Variants in PTGFRN observed in about 807,000 individuals in gnomAD.
PTGFRN encodes the protein prostaglandin F2 receptor negative regulator.
Under a neutral mutation model 83.2 loss-of-function variants are expected in PTGFRN, and 35 were observed. That is an observed-to-expected ratio of 0.42 (90% CI 0.32 to 0.56). The LOEUF (loss-of-function observed/expected upper bound fraction) is 0.56, where lower values mean the gene tolerates loss of function less well. Ranked by LOEUF, PTGFRN falls within the 20% of genes least tolerant of loss-of-function variation. The probability of loss-of-function intolerance (pLI) is 0.11; values close to 1 mark genes in which losing one functional copy is unlikely to be tolerated. For missense variants in PTGFRN, 1,051 were observed against 1,179.5 expected (o/e 0.89, Z 1.60); for synonymous variants, 519 against 498.6 (o/e 1.04, Z -0.55).
At chr1:116,914,360 G>C (rs1044246718) in intron 1 of PTGFRN, among the ~76,000 whole-genome samples, 1 of 152,220 alleles carries the variant, frequency 6.6e-6, no homozygotes, top group African/African-American at 2.4e-5. Context: ...AAGGAAAGCT[G>C]GGAAGCCATG....
intron 2 of PTGFRN, among the ~76,000 whole-genome samples, chr1:116,943,103 G>A (rs986782309): frequency 6.6e-5 from 10 of 152,174 alleles, no homozygotes; most frequent in African/African-American, 2.4e-4. Context: ...AGTAGAAAAT[G>A]CACATGATGA....
chr1:116,919,507 C>G (rs1025456363), intron 1 of PTGFRN, among the ~76,000 whole-genome samples: 1 of 152,164 alleles, frequency 6.6e-6, no homozygotes, highest in Non-Finnish European at 1.5e-5. Flanking sequence ...AAGTGATCCT[C>G]CCACCTCAGC....
Position 116,961,265 on chromosome 1 carries a change from G to C in PTGFRN, c.1236G>C (p.Leu412=). ...CAGAACCAGACTACCAGGTGTACCT[G>C]AATGCTTCCAAGGTCCCCGGGTTTG... ...TWLEPDYQVY[L]NASKVPGFAD... The change falls in exon 5 of 9, where the codon CTG becomes CTC. Residue 412 remains leucine (L), a synonymous_variant. Transcript: ENST00000393203. The surrounding 1 kb of genome is among the most constrained non-coding windows in gnomAD (Gnocchi z 5.4). 1 of 1,518,374 alleles carries C rather than the reference G, an allele frequency of 6.6e-7. No individual in the cohort carries two copies. The highest frequency in any genetic ancestry group is 8.8e-7 in the Non-Finnish European group (1 of 1,134,226). 94.1% of individuals were successfully genotyped at this position (1,518,374 alleles called of 1,614,324 possible).
intron 6 of PTGFRN, among the ~76,000 whole-genome samples, chr1:116,973,495 C>A (rs1190439461): frequency 6.6e-6 from 1 of 151,508 alleles, no homozygotes; most frequent in Non-Finnish European, 1.5e-5. Flanking sequence ...ATCCCAGCTA[C>A]CCAGGAGGCT....
At chr1:116,920,096 G>T (rs1649502305) in intron 1 of PTGFRN, among the ~76,000 whole-genome samples, 1 of 152,236 alleles carries the variant, frequency 6.6e-6, no homozygotes, top group Non-Finnish European at 1.5e-5. Context: ...TGTGCCTGTT[G>T]TCTCTCACCT....
intron 1 of PTGFRN, 83 bp downstream of exon 1, chr1:116,910,335 G>A (rs1649234714): frequency 2.5e-6 from 3 of 1,181,912 alleles, no homozygotes; most frequent in East Asian, 6.7e-5. Context: ...GCAGCGCGCG[G>A]CCTGGGGCGC....
In PTGFRN at chr1:116,984,685, A is replaced by G; in HGVS notation, c.2173A>G (p.Met725Val). 1.2e-6 allele frequency: 2 copies of G among 1,613,356 alleles called. No homozygotes were observed. The highest frequency in any genetic ancestry group is 1.7e-6 in the Non-Finnish European group (2 of 1,179,498). ...TTTGGCTTGGTAATCCGTAGATGACATGGCCTTTGATGTGTCCTGGTTTGC... is the reference window on the plus strand; with the variant it reads ...TTTGGCTTGGTAATCCGTAGATGACGTGGCCTTTGATGTGTCCTGGTTTGC... ...VEGAALDPDD[M>V]AFDVSWFAVH... Residue 725 changes from methionine (M) to valine (V), a missense_variant, in exon 8 of 9, where the codon ATG becomes GTG. By Grantham distance (21) the Met-to-Val change is conservative (BLOSUM62 1). Around this residue, in one of 3 missense-constraint regions of PTGFRN, gnomAD observed 719 missense variants for 836.6 expected, o/e 0.86. Coordinates refer to ENST00000393203, the MANE Select transcript of PTGFRN (RefSeq NM_020440.4).
chr1:116,981,211 G>C (rs2101090526), intron 7 of PTGFRN, among the ~76,000 whole-genome samples: 1 of 152,206 alleles, frequency 6.6e-6, no homozygotes, highest in East Asian at 1.9e-4. Context: ...GGGGATCTCT[G>C]CTACTGAGCA....
intron 1 of PTGFRN, among the ~76,000 whole-genome samples, chr1:116,914,921 C>T (rs1339954941): frequency 2.6e-5 from 4 of 152,150 alleles, no homozygotes; most frequent in South Asian, 2.1e-4. Context: ...TACTATTTCT[C>T]GATTGCATAT....
chr1:116,926,483 A>G (rs1346397141), intron 1 of PTGFRN, among the ~76,000 whole-genome samples: 2 of 152,140 alleles, frequency 1.3e-5, no homozygotes, highest in African/African-American at 4.8e-5. Flanking sequence ...TTGGACAGAG[A>G]ATTGTTTAAG....
At chr1:116,953,635 A>G (rs1192937963) in intron 4 of PTGFRN, among the ~76,000 whole-genome samples, 2 of 151,980 alleles carry the variant, frequency 1.3e-5, no homozygotes, top group Admixed American at 6.6e-5. Flanking sequence ...TTCTTAACCA[A>G]TTAAGACCTA....
chr1:116,931,165 T>C (rs1192965217), intron 1 of PTGFRN, among the ~76,000 whole-genome samples: 1 of 152,242 alleles, frequency 6.6e-6, no homozygotes, highest in Non-Finnish European at 1.5e-5. Flanking sequence ...GAGGAAATGC[T>C]CGTTGGAGCA....
chr1:116,951,387 A>G (rs938687614), intron 4 of PTGFRN, among the ~76,000 whole-genome samples: 13 of 152,240 alleles, frequency 8.5e-5, no homozygotes, highest in African/African-American at 2.2e-4. Flanking sequence ...GAGTGCTACT[A>G]CCATTGTGAA....
intron 1 of PTGFRN, among the ~76,000 whole-genome samples, chr1:116,933,307 A>ATC (rs1649843969): frequency 6.6e-6 from 1 of 151,846 alleles, no homozygotes; most frequent in African/African-American, 2.4e-5. Context: ...TAGAACACGT[A>ATC]TCAGTGATCT....
intron 1 of PTGFRN, among the ~76,000 whole-genome samples, chr1:116,935,168 A>G (rs1407394557): frequency 6.6e-6 from 1 of 152,162 alleles, no homozygotes; most frequent in Non-Finnish European, 1.5e-5. Context: ...TAGTATGTCA[A>G]GCTCACTTCT....
chr1:116,912,524 C>T (rs2101048162), intron 1 of PTGFRN, among the ~76,000 whole-genome samples: 1 of 152,272 alleles, frequency 6.6e-6, no homozygotes, highest in East Asian at 1.9e-4. Context: ...CTTGGCTCTC[C>T]CCGTACCACA....
Position 116,961,108 on chromosome 1 carries a change from T to C in PTGFRN, c.1214-135T>C, listed in dbSNP as rs1472357511. 3 of 1,000,400 alleles carry C rather than the reference T, an allele frequency of 3.0e-6. No homozygotes were observed. The highest frequency in any genetic ancestry group is 1.6e-5 in the African/African-American group (1 of 61,078). The allele number at this position is 1,000,400 out of a possible 1,614,324, so 62.0% of individuals were successfully genotyped here. On this transcript the variant is annotated intron_variant, in intron 4 of 8. Coordinates refer to ENST00000393203, the MANE Select transcript of PTGFRN (RefSeq NM_020440.4). This position sits in a 1 kb window ranked among gnomAD's most constrained non-coding sequence, Gnocchi z 5.4. ...GGATCCTATCCAATGCAACGACTGA[T>C]TTCTGTCTCTCTAGTCCGGCAGGAG...
chr1:116,969,662 G>T (rs1650937123), intron 6 of PTGFRN, among the ~76,000 whole-genome samples: 1 of 152,134 alleles, frequency 6.6e-6, no homozygotes, highest in Non-Finnish European at 1.5e-5. Flanking sequence ...TGGGGATTGT[G>T]TTAACTCTGT....
chr1:116,931,840 A>G (rs1166523810), intron 1 of PTGFRN, among the ~76,000 whole-genome samples: 1 of 152,158 alleles, frequency 6.6e-6, no homozygotes. Flanking sequence ...GTGGCAATCC[A>G]TAGGCCCCGA....
Sources: gnomAD v4.1 joint callset for allele counts (sites outside exome capture counted in the v4.1 genomes callset) on GRCh38, gnomAD v4.1.1 for gene constraint, gnomAD v4.1.1 regional missense constraint, Gnocchi (gnomAD v3.1) non-coding constraint, MANE v1.5 for transcripts, NCBI Gene and HGNC (gene_info 2026-07-23, HGNC 2026-07-21) for gene names.